KCNS3: variants seen among roughly 807,000 people sequenced by gnomAD.
The protein encoded by KCNS3 is delayed-rectifier potassium channel regulatory subunit KCNS3.
In KCNS3, 13 loss-of-function variants were observed where a neutral mutation model predicts 31.0. The observed-to-expected ratio is 0.42, with a 90% confidence interval of 0.27 to 0.67. The LOEUF is 0.67. KCNS3 is among the 30% of genes least tolerant of loss of function. KCNS3 has a pLI of 0.25. For missense variants in KCNS3, 545 were observed against 622.4 expected (o/e 0.88, Z 1.32); for synonymous variants, 238 against 241.5 (o/e 0.99, Z 0.13).
intron 1 of KCNS3, among the ~76,000 whole-genome samples, chr2:17,916,929 T>A (rs1412394106): frequency 6.6e-6 from 1 of 151,968 alleles, no homozygotes; most frequent in East Asian, 1.9e-4. Context: ...AATCAATGGA[T>A]GGATGCTTAG....
chr2:17,892,057 A>G (rs1166953091), intron 1 of KCNS3, among the ~76,000 whole-genome samples: 1 of 152,152 alleles, frequency 6.6e-6, no homozygotes, highest in Non-Finnish European at 1.5e-5. Flanking sequence ...CCTCAGGAAC[A>G]TTAATTATTC....
In KCNS3 at chr2:17,926,380, T is replaced by G. The variant is rs555871261; in HGVS notation, c.-59-4570T>G. On this transcript the variant is annotated intron_variant, in intron 2 of 2. Coordinates refer to ENST00000304101, the MANE Select transcript of KCNS3 (RefSeq NM_002252.5). ...GGGTGTCTCTTCTCACAGCTCCACT[T>G]GGCAGTGCCCCAATGGGGACTCTGC... is the stretch of plus-strand genomic sequence containing the variant. 6.6e-5 allele frequency among the ~76,000 whole-genome samples: 10 copies of G among 152,360 alleles called. No homozygotes were observed. The South Asian group carries it at 2.1e-3, about 32-fold the overall frequency.
chr2:17,899,018 G>A (rs1662097997), intron 1 of KCNS3, among the ~76,000 whole-genome samples: 1 of 152,130 alleles, frequency 6.6e-6, no homozygotes, highest in African/African-American at 2.4e-5. Context: ...ACAAGGTCAA[G>A]AGATCGAGAC....
intron 1 of KCNS3, among the ~76,000 whole-genome samples, chr2:17,899,015 C>G (rs1175952013): frequency 6.6e-6 from 1 of 152,220 alleles, no homozygotes; most frequent in East Asian, 1.9e-4. Context: ...ATCACAAGGT[C>G]AAGAGATCGA....
intron 2 of KCNS3, among the ~76,000 whole-genome samples, chr2:17,922,537 C>G (rs1488701774): frequency 6.6e-6 from 1 of 152,062 alleles, no homozygotes; most frequent in Non-Finnish European, 1.5e-5. Context: ...ACAGCAAAAT[C>G]TACCTTTTTA....
At chr2:17,912,504 C>T (rs1662494070) in intron 1 of KCNS3, among the ~76,000 whole-genome samples, 1 of 152,234 alleles carries the variant, frequency 6.6e-6, no homozygotes, top group Non-Finnish European at 1.5e-5. Context: ...GCCCTGTCAA[C>T]ACTCAGTGAC....
At chr2:17,893,643 G>C (rs942860361) in intron 1 of KCNS3, among the ~76,000 whole-genome samples, 1 of 152,152 alleles carries the variant, frequency 6.6e-6, no homozygotes, top group Non-Finnish European at 1.5e-5. Flanking sequence ...ACTTGACTCA[G>C]CTCCAGGTAA....
intron 1 of KCNS3, among the ~76,000 whole-genome samples, chr2:17,889,434 G>A (rs1229652543): frequency 6.6e-6 from 1 of 152,088 alleles, no homozygotes; most frequent in Non-Finnish European, 1.5e-5. Flanking sequence ...TCTCTTGTCT[G>A]ATTGCTCTGG....
intron 2 of KCNS3, among the ~76,000 whole-genome samples, chr2:17,921,495 G>A (rs1211739960): frequency 6.6e-6 from 1 of 152,060 alleles, no homozygotes; most frequent in Non-Finnish European, 1.5e-5. Context: ...TATCTAGTTG[G>A]TTTTTGTACT....
At chr2:17,891,335 A>T (rs1661852434) in intron 1 of KCNS3, among the ~76,000 whole-genome samples, 1 of 152,138 alleles carries the variant, frequency 6.6e-6, no homozygotes, top group Non-Finnish European at 1.5e-5. Flanking sequence ...AGCAGCAGAT[A>T]GTTGGTGAAT....
At chr2:17,878,424 G>A (rs376012431), upstream of KCNS3, among the ~76,000 whole-genome samples, 1,090 of 152,080 alleles carry the variant, frequency 7.2e-3, 10 homozygotes, top group African/African-American at 0.015. Context: ...GCGGGGGCGC[G>A]CGGCCGGCAG....
intron 1 of KCNS3, among the ~76,000 whole-genome samples, chr2:17,879,101 C>A (rs562302497): frequency 8.5e-5 from 13 of 152,214 alleles, no homozygotes; most frequent in African/African-American, 3.1e-4. Flanking sequence ...TTGAAAGCCT[C>A]GGGGAAGGTA....
At chr2:17,891,016 G>T (rs1167034944) in intron 1 of KCNS3, among the ~76,000 whole-genome samples, 1 of 152,188 alleles carries the variant, frequency 6.6e-6, no homozygotes, top group Non-Finnish European at 1.5e-5. Flanking sequence ...AGTGTTGTCA[G>T]TAGAGTATCG....
intron 1 of KCNS3, among the ~76,000 whole-genome samples, chr2:17,892,719 ACCCAGCGAGTCTG>A (rs1375068241): frequency 1.3e-5 from 2 of 151,964 alleles, no homozygotes; most frequent in Non-Finnish European, 2.9e-5. Flanking sequence ...GGGTCTAGCC[ACCCAGCGAGTCTG>A]CCCAGCTCTG....
At chr2:17,907,588 T>C (rs1662359859) in intron 1 of KCNS3, among the ~76,000 whole-genome samples, 1 of 152,224 alleles carries the variant, frequency 6.6e-6, no homozygotes. Flanking sequence ...GTTTTTGCAG[T>C]GGCTGGTACT....
At chr2:17,890,148 T>C (rs1472528215) in intron 1 of KCNS3, among the ~76,000 whole-genome samples, 1 of 152,184 alleles carries the variant, frequency 6.6e-6, no homozygotes. Context: ...TGATTTAAGC[T>C]AGGAATGTTG....
intron 1 of KCNS3, among the ~76,000 whole-genome samples, chr2:17,890,629 C>T (rs1232511011): frequency 6.6e-6 from 1 of 152,030 alleles, no homozygotes; most frequent in Non-Finnish European, 1.5e-5. Flanking sequence ...TTTGTGTCAT[C>T]ATTGTCATTC....
At chr2:17,907,819 T>C (rs921815803) in intron 1 of KCNS3, among the ~76,000 whole-genome samples, 2 of 152,258 alleles carry the variant, frequency 1.3e-5, no homozygotes, top group Admixed American at 6.5e-5. Context: ...GAGTTTCTGC[T>C]AAGAGATCCG....
chr2:17,931,268 A>G lies in KCNS3; in HGVS notation c.260A>G (p.Lys87Arg). 1 of 1,614,176 alleles carries G rather than the reference A, an allele frequency of 6.2e-7. No individual in the cohort carries two copies. The highest frequency in any genetic ancestry group is 8.5e-7 in the Non-Finnish European group (1 of 1,180,030). ...GTTTTGAATTTTTATTACACGGGGA[A>G]GCTGCATGTCATGGAGGAGCTGTGC... ...RYVLNFYYTGKLHVMEELCVF... is the reference protein window; with the variant it reads ...RYVLNFYYTGRLHVMEELCVF... The change falls in exon 3 of 3, where the codon AAG (lysine) becomes AGG (arginine). Residue 87 changes from lysine to arginine, a missense_variant. By Grantham distance (26) the Lys-to-Arg change is conservative. Coordinates refer to ENST00000304101, the MANE Select transcript of KCNS3 (RefSeq NM_002252.5). This position sits in a 1 kb window ranked among gnomAD's most constrained non-coding sequence, Gnocchi z 5.4.
Sources: allele counts gnomAD v4.1 joint callset (sites outside exome capture counted in the v4.1 genomes callset), GRCh38; gene constraint gnomAD v4.1.1; non-coding constraint Gnocchi (gnomAD v3.1); transcripts MANE v1.5; gene names NCBI Gene and HGNC (gene_info 2026-07-23, HGNC 2026-07-21).